The following ZFHX3 variants were observed in gnomAD, a reference collection of about 807,000 sequenced individuals.
ZFHX3 encodes zinc finger homeobox 3, also known as zinc finger homeobox protein 3.
In ZFHX3, 42 loss-of-function variants were observed where a neutral mutation model predicts 279.1. The ratio of observed to expected loss-of-function variants is 0.15; its 90% confidence interval spans 0.12 to 0.19. ZFHX3 has a LOEUF of 0.19. ZFHX3 is among the 10% of genes least tolerant of loss of function. The pLI is 1.00. For synonymous variants in ZFHX3, 2,293 were observed against 1,957.8 expected (o/e 1.17, Z -4.52); for missense variants, 4,981 against 4,754.0 (o/e 1.05, Z -1.40).
At chr16:72,914,017 A>T (rs1216271562) in intron 3 of ZFHX3, among the ~76,000 whole-genome samples, 2 of 152,248 alleles carry the variant, frequency 1.3e-5, no homozygotes, top group Admixed American at 1.3e-4. Context: ...TGGAACCAAG[A>T]GGTTAAATCA....
chr16:73,534,142 A>G (rs1427932369), intron 2 of ZFHX3, among the ~76,000 whole-genome samples: 1 of 152,084 alleles, frequency 6.6e-6, no homozygotes, highest in African/African-American at 2.4e-5. Context: ...CCTTACCTCT[A>G]TGACCTCCTA....
chr16:73,152,134 G>A (rs573954397), intron 5 of ZFHX3, among the ~76,000 whole-genome samples: 1 of 152,228 alleles, frequency 6.6e-6, no homozygotes, highest in South Asian at 2.1e-4. Context: ...CCCGAACGAT[G>A]ATGAATTCAT....
chr16:73,483,330 TGAGA>T (rs1233773771), intron 2 of ZFHX3: 4 of 410,270 alleles, frequency 9.7e-6, no homozygotes, highest in Non-Finnish European at 1.9e-5. Flanking sequence ...AGCGAGCGAG[TGAGA>T]GACAGAGAGA....
intron 1 of ZFHX3, chr16:73,015,639 T>C (rs920642923): frequency 6.6e-6 from 1 of 152,178 alleles, no homozygotes; most frequent in Non-Finnish European, 1.5e-5. Context: ...ATTCCACAGG[T>C]GGGCCCGCCT....
At position 72,798,590 on chromosome 16, in the gene ZFHX3, C is replaced by T. The variant is rs1459809801; in HGVS notation, c.4092G>A (p.Lys1364=). 1.2e-6 allele frequency: 2 copies of T among 1,614,084 alleles called. No homozygotes were observed. Among genetic ancestry groups the T allele is most frequent in the African/African-American group, 1.3e-5 (1 of 74,932 alleles). Residue 1364 remains lysine (K), a synonymous_variant, in exon 9 of 10, where the codon AAG becomes AAA. Transcript: ENST00000268489. ...VREDSGFICW[K]KGCNQVFKTS... is the part of the protein sequence containing the mutation. ...TTTTGAAAACCTGGTTGCACCCCTT[C>T]TTCCAGCAGATGAAGCCTGAGTCTT...
intron 3 of ZFHX3, among the ~76,000 whole-genome samples, chr16:73,324,531 C>A (rs1018708288): frequency 1.3e-5 from 2 of 152,156 alleles, no homozygotes; most frequent in African/African-American, 4.8e-5. Flanking sequence ...TAAAGTGGCC[C>A]TATGAGCTTT....
chr16:73,127,331 G>T (rs748268523), intron 7 of ZFHX3: 26 of 1,302,474 alleles, frequency 2.0e-5, no homozygotes, highest in Non-Finnish European at 2.5e-5. Context: ...GGTGGCAGCC[G>T]TACAGAGGAA....
chr16:73,877,778 G>A (rs1248192172), intron 1 of ZFHX3, among the ~76,000 whole-genome samples: 1 of 152,022 alleles, frequency 6.6e-6, no homozygotes. Context: ...TTTAAAAAGA[G>A]AACATGGAAG....
At chr16:73,061,967 A>G (rs1008657544), upstream of ZFHX3, 6 of 152,184 alleles carry the variant, frequency 3.9e-5, no homozygotes, top group African/African-American at 7.2e-5. Context: ...GTAAATACTT[A>G]TGCTAATTTT....
chr16:73,236,405 C>T (rs1291012943), intron 5 of ZFHX3, among the ~76,000 whole-genome samples: 1 of 152,164 alleles, frequency 6.6e-6, no homozygotes, highest in Non-Finnish European at 1.5e-5. Flanking sequence ...GGAGACCAGC[C>T]TGGCCAACAC....
intron 7 of ZFHX3, among the ~76,000 whole-genome samples, chr16:73,104,191 A>G (rs999146238): frequency 2.1e-5 from 3 of 145,452 alleles, no homozygotes; most frequent in Non-Finnish European, 4.5e-5. Flanking sequence ...CACGTTTTGG[A>G]ATTATGTGCT....
At chr16:72,882,977 G>GGTGT (rs56328056) in intron 4 of ZFHX3, among the ~76,000 whole-genome samples, 899 of 65,332 alleles carry the variant, frequency 0.014, 54 homozygotes, top group East Asian at 0.022. Context: ...ACCACTCTGG[G>GGTGT]GTGTGTGTGT....
rs1004910219 is a variant in ZFHX3 at position 73,510,024 on chromosome 16, G to A, written c.-1546-53766C>T. ...GCCTGTCTCAAACATGCTCAGCATC[G>A]TCCTTTAGGACAGCTGCATGAGTTG... On this transcript the variant is annotated intron_variant, in intron 2 of 17. Transcript: ENST00000641206. 4.6e-5 allele frequency among the ~76,000 whole-genome samples: 7 copies of A among 152,226 alleles called. 1 individual carries two copies. The South Asian group carries it at 6.2e-4, about 14-fold the overall frequency.
At chr16:73,247,950 T>C (rs1037895137) in intron 5 of ZFHX3, among the ~76,000 whole-genome samples, 1 of 151,948 alleles carries the variant, frequency 6.6e-6, no homozygotes, top group South Asian at 2.1e-4. Flanking sequence ...TCGTATACTA[T>C]GTATATAATG....
intron 7 of ZFHX3, among the ~76,000 whole-genome samples, chr16:72,808,719 T>C (rs888712846): frequency 6.6e-6 from 1 of 152,232 alleles, no homozygotes; most frequent in South Asian, 2.1e-4. Context: ...AGCAGTGCTT[T>C]AGGGAGCAGT....
chr16:73,360,206 A>C (rs2016412723), intron 3 of ZFHX3, among the ~76,000 whole-genome samples: 1 of 152,252 alleles, frequency 6.6e-6, no homozygotes, highest in Non-Finnish European at 1.5e-5. Context: ...CGTGACAATA[A>C]TAGTATAATA....
chr16:73,372,931 G>A (rs1381333015), intron 3 of ZFHX3, among the ~76,000 whole-genome samples: 1 of 152,026 alleles, frequency 6.6e-6, no homozygotes, highest in Non-Finnish European at 1.5e-5. Flanking sequence ...ACCTCTTCCT[G>A]GCTAAAATAA....
chr16:72,920,505 C>T (rs1250980387), intron 3 of ZFHX3, among the ~76,000 whole-genome samples: 1 of 151,472 alleles, frequency 6.6e-6, no homozygotes, highest in Non-Finnish European at 1.5e-5. Flanking sequence ...CATGGCGAAA[C>T]CCCGTCTCTA....
In ZFHX3 at chr16:73,162,117, A is replaced by G. The variant is rs78390915; in HGVS notation, c.-1103-18286T>C. On this transcript the variant is annotated intron_variant, in intron 5 of 17. Coordinates refer to the ZFHX3 transcript ENST00000641206. ...CCCAGCCCCTGGGGCACAGACCAGT[A>G]TCAATTCATGGCCTCTTAGGAACCA... 5.4e-3 allele frequency among the ~76,000 whole-genome samples: 819 copies of G among 152,320 alleles called. 8 individuals carry two copies. The highest frequency in any genetic ancestry group is 0.018 in the African/African-American group (760 of 41,570).
Sources: gnomAD v4.1 joint callset for allele counts (sites outside exome capture counted in the v4.1 genomes callset) on GRCh38, gnomAD v4.1.1 for gene constraint, MANE v1.5 for transcripts, NCBI Gene and HGNC (gene_info 2026-07-23, HGNC 2026-07-21) for gene names.